Variants in SYMPK observed in about 807,000 individuals in gnomAD.
The protein encoded by SYMPK is symplekin.
In SYMPK, 49 loss-of-function variants were observed where a neutral mutation model predicts 136.4. The observed-to-expected ratio is 0.36, with a 90% CI of 0.29 to 0.46. The LOEUF is 0.46. Among genes scored for constraint, SYMPK ranks in the 20% least tolerant of loss-of-function variants. The pLI is 1.00. For missense variants in SYMPK, 1,365 were observed against 1,690.0 expected (o/e 0.81, Z 3.37); for synonymous variants, 766 against 713.0 (o/e 1.07, Z -1.19).
intron 14 of SYMPK, 118 bp downstream of exon 14, chr19:45,828,852 G>A (rs1043898410): frequency 1.0e-6 from 1 of 976,238 alleles, no homozygotes; most frequent in Non-Finnish European, 1.6e-6. Context: ...TGGGATGGGT[G>A]CGAGGAGGAC....
At position 45,838,442 on chromosome 19, in the gene SYMPK, G is replaced by A. The variant is rs1346479884; in HGVS notation, c.1242+19C>T. ...CTTCCTTCCTGCCCAGGGGGAAAAC[G>A]CTCCCCACCCATCCTCACCAGATTA... On this transcript the variant is annotated intron_variant, in intron 10 of 26. Transcript: ENST00000245934. The A allele has an allele frequency of 1.2e-5, 19 of 1,601,484 alleles. No individual in the cohort carries two copies. In the African/African-American group the frequency reaches 1.2e-4, roughly 10 times the overall value.
intron 9 of SYMPK, among the ~76,000 whole-genome samples, chr19:45,838,862 G>T (rs1971369469): frequency 6.6e-6 from 1 of 152,150 alleles, no homozygotes; most frequent in Non-Finnish European, 1.5e-5. Context: ...CACCCCTGCA[G>T]CTTATCATAA....
At position 45,854,267 on chromosome 19, in the gene SYMPK, T is replaced by C. The variant is rs772577755; in HGVS notation, c.106-27A>G. ...TGGAAGGAGGGGGAGTGGCAGGGGA[T>C]AGTGCCAGCCCAGTCCAGCCCAGTG... On this transcript the variant is annotated intron_variant, in intron 2 of 26. Coordinates refer to ENST00000245934, the MANE Select transcript of SYMPK (RefSeq NM_004819.3). The C allele has an allele frequency of 3.7e-6, 6 of 1,611,900 alleles. No individual in the cohort carries two copies. In the East Asian group the frequency reaches 1.1e-4, roughly 30 times the overall value.
At chr19:45,861,153 C>CT (rs1368110957) in intron 1 of SYMPK, among the ~76,000 whole-genome samples, 7 of 152,310 alleles carry the variant, frequency 4.6e-5, no homozygotes, top group African/African-American at 1.4e-4. Context: ...CACCACTGCA[C>CT]TCCAGCCTGG....
chr19:45,861,505 C>T lies in SYMPK; in HGVS notation c.-13+1553G>A, dbSNP rs1368192212. ...CCTGTAATCCCAGCACTTCGGGAGGCGGAGGCAGGTGGATCACGAGGTCAG... is the reference window on the plus strand; with the variant it reads ...CCTGTAATCCCAGCACTTCGGGAGGTGGAGGCAGGTGGATCACGAGGTCAG... On this transcript the variant is annotated intron_variant, in intron 1 of 26. Coordinates refer to ENST00000245934, the MANE Select transcript of SYMPK (RefSeq NM_004819.3). 6.6e-5 allele frequency among the ~76,000 whole-genome samples: 10 copies of T among 152,282 alleles called. No individual in the cohort carries two copies. The East Asian group carries it at 1.5e-3, about 23-fold the overall frequency.
intron 1 of SYMPK, chr19:45,862,120 A>G (rs1051666133): frequency 1.3e-5 from 2 of 152,078 alleles, no homozygotes; most frequent in East Asian, 3.9e-4. Context: ...GGAGGCCACT[A>G]TATCAGTGTA....
Position 45,838,593 on chromosome 19 carries a change from A to G in SYMPK, c.1110T>C (p.Asp370=), listed in dbSNP as rs749874065. The G allele has an allele frequency of 6.2e-7, 1 of 1,614,008 alleles. No individual in the cohort carries two copies. Among genetic ancestry groups the G allele is most frequent in the Non-Finnish European group, 8.5e-7 (1 of 1,179,886 alleles). ...MKLEPNLGED[D]EDKDLEPGPS... Reference sequence around the variant, plus strand: ...GGCCTGGCTCCAAGTCTTTGTCCTCATCGTCCTCCCCCAGGTTGGGCTCTG... The same window carrying G: ...GGCCTGGCTCCAAGTCTTTGTCCTCGTCGTCCTCCCCCAGGTTGGGCTCTG... Residue 370 remains aspartate, a synonymous_variant, in exon 10 of 27, where the codon GAT becomes GAC. Coordinates refer to ENST00000245934, the MANE Select transcript of SYMPK (RefSeq NM_004819.3).
Position 45,815,966 on chromosome 19 carries a change from A to C in SYMPK, c.3572T>G (p.Phe1191Cys). Residue 1191 changes from phenylalanine to cysteine, a missense_variant, in exon 26 of 27, where the codon TTC becomes TGC. By Grantham distance (205) the Phe-to-Cys change is radical. Coordinates refer to ENST00000245934, the MANE Select transcript of SYMPK (RefSeq NM_004819.3). ...CTCGCACTCAGGCCCCTCCTCCCGGAAATCCATGGCTTCCTCAGACGGGGG... is the reference window on the plus strand; with the variant it reads ...CTCGCACTCAGGCCCCTCCTCCCGGCAATCCATGGCTTCCTCAGACGGGGG... ...GPPPSEEAMD[F>C]REEGPECETP... is the part of the protein sequence containing the mutation. 1 of 1,610,858 alleles carries C rather than the reference A, an allele frequency of 6.2e-7. No homozygotes were observed. Among genetic ancestry groups the C allele is most frequent in the Non-Finnish European group, 8.5e-7 (1 of 1,179,318 alleles).
chr19:45,823,908 G>A (rs11671524), intron 18 of SYMPK, 33 bp from the exon 19 acceptor site: 536,395 of 1,588,238 alleles, frequency 0.34, 92,848 homozygotes, highest in Middle Eastern at 0.38. Flanking sequence ...CCAGACCCAG[G>A]GTGAGAGCTT....
At chr19:45,826,153 A>C in intron 17 of SYMPK, 73 bp downstream of exon 17, 1 of 1,531,714 alleles carries the variant, frequency 6.5e-7, no homozygotes, top group Non-Finnish European at 8.8e-7. Context: ...TTCCCCACTC[A>C]TCCCCTCTGC....
rs142691867 is a variant in SYMPK at position 45,834,563 on chromosome 19, C to A, written c.1393+515G>T. On this transcript the variant is annotated intron_variant, in intron 11 of 26. Transcript: ENST00000245934. The stretch of plus-strand genomic sequence containing the variant: ...ATGAATTTCATGTTTAGACTTGGAT[C>A]CCATCCCTAAGATACCTCATTATGT... 1.6e-3 allele frequency among the ~76,000 whole-genome samples: 236 copies of A among 151,930 alleles called. 1 individual carries two copies. Among genetic ancestry groups the A allele is most frequent in the African/African-American group, 5.4e-3 (222 of 41,454 alleles).
chr19:45,853,262 C>T (rs1488530386), intron 3 of SYMPK, among the ~76,000 whole-genome samples: 1 of 152,206 alleles, frequency 6.6e-6, no homozygotes, highest in Non-Finnish European at 1.5e-5. Flanking sequence ...CAACTGCCTC[C>T]TGCTCTGAAC....
chr19:45,821,560 G>T lies in SYMPK; in HGVS notation c.2792-75C>A. On this transcript the variant is annotated intron_variant, in intron 21 of 26. Coordinates refer to ENST00000245934, the MANE Select transcript of SYMPK (RefSeq NM_004819.3). The surrounding 1 kb of genome is among the most constrained non-coding windows in gnomAD (Gnocchi z 4.4). ...TGAAGAGATGGGTCTGAGTTCCCCA[G>T]ATCGGGGGAGCTGCGAGCAAAGATG... 1 of 984,436 alleles carries T rather than the reference G, an allele frequency of 1.0e-6. No homozygotes were observed. Among genetic ancestry groups the T allele is most frequent in the Non-Finnish European group, 1.6e-6 (1 of 638,166 alleles). 61.0% of individuals were successfully genotyped at this position (984,436 alleles called of 1,614,324 possible).
At chr19:45,848,641 A>G (rs1280026624) in intron 6 of SYMPK, 109 bp downstream of exon 6, 2 of 1,470,278 alleles carry the variant, frequency 1.4e-6, no homozygotes, top group Non-Finnish European at 1.9e-6. Context: ...CCAGTGGCAC[A>G]TCTTGCCCAT....
chr19:45,825,118 G>A, intron 18 of SYMPK, 53 bp downstream of exon 18: 2 of 1,581,162 alleles, frequency 1.3e-6, no homozygotes, highest in Non-Finnish European at 1.7e-6. Context: ...CTGGAGCTGG[G>A]GACACAGCCT....
Position 45,838,600 on chromosome 19 carries a change from TC to T in SYMPK, c.1102del (p.Glu368ArgfsTer39), listed in dbSNP as rs1445349707. 1 of 1,613,638 alleles carries T rather than the reference TC, an allele frequency of 6.2e-7. No individual in the cohort carries two copies. The highest frequency in any genetic ancestry group is 8.5e-7 in the Non-Finnish European group (1 of 1,179,678). ...CTCCAAGTCTTTGTCCTCATCGTCC[TC>T]CCCCAGGTTGGGCTCTGGGATGAGG... ...KKMKLEPNLG[E>X]DDEDKDLEPG... On this transcript the variant is annotated frameshift_variant, in exon 10 of 27. Transcript: ENST00000245934. LOFTEE classifies it high-confidence loss of function.
chr19:45,815,495 G>A lies in SYMPK; in HGVS notation c.*65C>T, dbSNP rs1970701758. On this transcript the variant is annotated 3_prime_UTR_variant, in exon 27 of 27. Transcript: ENST00000245934. The stretch of plus-strand genomic sequence containing the variant: ...TCTTTTTAAGGCAAAGCACCCGCAG[G>A]TCAAGCCCCGCCCCGTCCCCCAGCC... 8.0e-7 allele frequency: 1 copy of A among 1,245,612 alleles called. No homozygotes were observed. The highest frequency in any genetic ancestry group is 1.1e-6 in the Non-Finnish European group (1 of 919,072). The allele number at this position is 1,245,612 out of a possible 1,614,324, so 77.2% of individuals were successfully genotyped here.
At chr19:45,815,753 T>C in intron 26 of SYMPK, 56 bp from the exon 27 acceptor site, 1 of 1,596,288 alleles carries the variant, frequency 6.3e-7, no homozygotes, top group Non-Finnish European at 8.5e-7. Context: ...ACCTCCACGC[T>C]CCCCTTCAGG....
chr19:45,831,820 C>T (rs1971183025), intron 11 of SYMPK, among the ~76,000 whole-genome samples: 1 of 152,082 alleles, frequency 6.6e-6, no homozygotes, highest in Admixed American at 6.6e-5. Context: ...GCTACAGCCA[C>T]TTTGGAAACA....
Sources: gnomAD v4.1 joint callset for allele counts (sites outside exome capture counted in the v4.1 genomes callset) on GRCh38, gnomAD v4.1.1 for gene constraint, Gnocchi (gnomAD v3.1) non-coding constraint, MANE v1.5 for transcripts, NCBI Gene and HGNC (gene_info 2026-07-23, HGNC 2026-07-21) for gene names.